The following CMKLR1 variants were observed in gnomAD, a reference collection of about 807,000 sequenced individuals.
CMKLR1 encodes the protein chemerin-like receptor 1.
CMKLR1 carries 6 observed loss-of-function variants against 8.2 expected under a neutral mutation model. That is an observed-to-expected ratio of 0.73 (90% CI 0.40 to 1.44). The LOEUF (loss-of-function observed/expected upper bound fraction) is 1.44, where lower values mean the gene tolerates loss of function less well. CMKLR1 is among the 40% of genes most tolerant of loss of function. CMKLR1 has a pLI of 0.02. For synonymous variants in CMKLR1, 178 were observed against 181.2 expected, an observed-to-expected ratio of 0.98 and a Z score of 0.14; for missense variants, 429 against 478.0, an observed-to-expected ratio of 0.90 and a Z score of 0.96.
At chr12:108,300,117 G>C (rs1312439150) in intron 2 of CMKLR1, among the ~76,000 whole-genome samples, 1 of 152,196 alleles carries the variant, frequency 6.6e-6, no homozygotes, top group East Asian at 1.9e-4. Flanking sequence ...ATTGGGCTTT[G>C]TTCGGTTTCG....
At position 108,290,373 on chromosome 12, in the gene CMKLR1, G is replaced by A. The variant is rs528580301; in HGVS notation, c.*1468C>T. On this transcript the variant is annotated 3_prime_UTR_variant, in exon 4 of 4. Transcript: ENST00000550402. ...AGCCTCAGATTCCTCCTATGTAAAA[G>A]GGAAGTTATAACCATACCTAACTCA... The A allele has an allele frequency of 6.6e-6, 1 of 152,258 alleles. No individual in the cohort carries two copies. The highest frequency in any genetic ancestry group is 2.4e-5 in the African/African-American group (1 of 41,528). The allele number at this position is 152,258 out of a possible 1,614,324, so 9.4% of individuals were successfully genotyped here.
rs1891460927 is a variant in CMKLR1 at position 108,308,414 on chromosome 12, T to C, written c.-73-14750A>G. 3.3e-5 allele frequency among the ~76,000 whole-genome samples: 5 copies of C among 152,334 alleles called. No individual in the cohort carries two copies. The South Asian group carries it at 1.0e-3, about 32-fold the overall frequency. ...ACACAAGCCCCTTCCCAGCTCTCTCTTCTGCTCATCCCCTGAGCACATCTG... is the reference window on the plus strand; with the variant it reads ...ACACAAGCCCCTTCCCAGCTCTCTCCTCTGCTCATCCCCTGAGCACATCTG... On this transcript the variant is annotated intron_variant, in intron 2 of 3. Coordinates refer to ENST00000550402, the MANE Select transcript of CMKLR1 (RefSeq NM_001142343.2).
chr12:108,313,113 G>A (rs1891627051), intron 2 of CMKLR1, among the ~76,000 whole-genome samples: 2 of 152,084 alleles, frequency 1.3e-5, no homozygotes, highest in Non-Finnish European at 2.9e-5. Flanking sequence ...CAATCAGGAC[G>A]GTGGAGTATG....
chr12:108,299,063 G>T (rs1006441579), intron 2 of CMKLR1, among the ~76,000 whole-genome samples: 1 of 152,220 alleles, frequency 6.6e-6, no homozygotes, highest in African/African-American at 2.4e-5. Context: ...TACCCACCCC[G>T]CATGCTGTGC....
intron 3 of CMKLR1, 148 bp from the exon 4 acceptor site, chr12:108,293,107 T>C (rs886744358): frequency 9.5e-6 from 7 of 733,414 alleles, no homozygotes; most frequent in African/African-American, 3.6e-5. Flanking sequence ...ATTTTATTTA[T>C]TGAACAAATG....
chr12:108,297,130 C>T (rs1278325651), intron 2 of CMKLR1, among the ~76,000 whole-genome samples: 1 of 152,182 alleles, frequency 6.6e-6, no homozygotes, highest in African/African-American at 2.4e-5. Context: ...TCTGCCTCTG[C>T]CACCCCTGAG....
intron 2 of CMKLR1, among the ~76,000 whole-genome samples, chr12:108,301,493 C>A (rs1891271512): frequency 6.6e-6 from 1 of 152,188 alleles, no homozygotes; most frequent in Non-Finnish European, 1.5e-5. Flanking sequence ...AGGCCACCCA[C>A]ACAAAAAAGC....
intron 2 of CMKLR1, among the ~76,000 whole-genome samples, chr12:108,309,977 A>G (rs1401934400): frequency 2.0e-5 from 3 of 152,158 alleles, no homozygotes; most frequent in Non-Finnish European, 4.4e-5. Context: ...CCTGTTGGTC[A>G]CTGAGTGTGT....
At chr12:108,301,984 C>T (rs6539423) in intron 2 of CMKLR1, among the ~76,000 whole-genome samples, 58,356 of 151,616 alleles carry the variant, frequency 0.38, 11,375 homozygotes, top group East Asian at 0.47. Context: ...CTGCCTCCAA[C>T]GGAGGAAGAT....
chr12:108,330,795 G>A (rs1404432070), intron 1 of CMKLR1, among the ~76,000 whole-genome samples: 1 of 152,178 alleles, frequency 6.6e-6, no homozygotes, highest in African/African-American at 2.4e-5. Context: ...GGTAGACATA[G>A]GAGACACTGA....
intron 2 of CMKLR1, among the ~76,000 whole-genome samples, chr12:108,320,185 C>G (rs886522953): frequency 9.2e-5 from 14 of 152,140 alleles, no homozygotes; most frequent in Admixed American, 7.2e-4. Context: ...TCACATGATA[C>G]AGCTGGAGAA....
intron 2 of CMKLR1, among the ~76,000 whole-genome samples, chr12:108,297,707 G>C (rs112664145): frequency 2.0e-5 from 3 of 152,146 alleles, no homozygotes; most frequent in South Asian, 2.1e-4. Flanking sequence ...AAGTGAAAAG[G>C]CTGTTGGGTT....
intron 2 of CMKLR1, among the ~76,000 whole-genome samples, chr12:108,302,786 G>T (rs183329204): frequency 3.3e-5 from 5 of 152,310 alleles, no homozygotes; most frequent in Admixed American, 3.3e-4. Context: ...ATAGCCAGAC[G>T]CACATTGAAC....
chr12:108,338,591 G>A, intron 1 of CMKLR1, among the ~76,000 whole-genome samples: 1 of 152,006 alleles, frequency 6.6e-6, no homozygotes, highest in East Asian at 1.9e-4. Context: ...CTTAAATCTA[G>A]CAATTTCTAA....
intron 2 of CMKLR1, among the ~76,000 whole-genome samples, chr12:108,299,754 C>A (rs1891219583): frequency 6.6e-6 from 1 of 152,116 alleles, no homozygotes; most frequent in Non-Finnish European, 1.5e-5. Flanking sequence ...ACATCTGGAG[C>A]CACCAGAAGC....
intron 3 of CMKLR1, 129 bp downstream of exon 3, chr12:108,293,460 T>A: frequency 1.1e-6 from 1 of 887,452 alleles, no homozygotes; most frequent in South Asian, 1.5e-5. Flanking sequence ...AAGAGGTACA[T>A]GGTGCTGTGA....
At chr12:108,321,316 C>T (rs1891856406) in intron 2 of CMKLR1, among the ~76,000 whole-genome samples, 1 of 152,140 alleles carries the variant, frequency 6.6e-6, no homozygotes, top group African/African-American at 2.4e-5. Context: ...ATCAAATTTA[C>T]AGCTATGCAG....
intron 2 of CMKLR1, among the ~76,000 whole-genome samples, chr12:108,327,094 T>C (rs1471373511): frequency 1.3e-5 from 2 of 152,170 alleles, no homozygotes; most frequent in African/African-American, 4.8e-5. Context: ...AACATGGAAC[T>C]GTAACACGAT....
rs983453680 is a variant in CMKLR1 at position 108,289,510 on chromosome 12, C to T, written c.*2331G>A. 1.3e-5 allele frequency: 2 copies of T among 152,206 alleles called. No individual in the cohort carries two copies. The highest frequency in any genetic ancestry group is 4.8e-5 in the African/African-American group (2 of 41,448). 9.4% of individuals were successfully genotyped at this position (152,206 alleles called of 1,614,324 possible). A position where few individuals can be genotyped will look rare whatever the true frequency, so the allele number is the denominator to read the frequency against. On this transcript the variant is annotated 3_prime_UTR_variant, in exon 4 of 4. Coordinates refer to ENST00000550402, the MANE Select transcript of CMKLR1 (RefSeq NM_001142343.2). ...TTGTGCTCCTGTTTATCAGCTTTTC[C>T]AATGACAACATGAATTCCTGGCTCC...
Sources: gnomAD v4.1 joint callset for allele counts (sites outside exome capture counted in the v4.1 genomes callset) on GRCh38, gnomAD v4.1.1 for gene constraint, MANE v1.5 for transcripts, NCBI Gene and HGNC (gene_info 2026-07-23, HGNC 2026-07-21) for gene names.